CPNE4: variants seen among roughly 807,000 people sequenced by gnomAD.
The protein encoded by CPNE4 is copine-4.
Under a neutral mutation model 67.9 loss-of-function variants are expected in CPNE4, and 25 were observed. The ratio of observed to expected loss-of-function variants is 0.37; its 90% CI spans 0.27 to 0.51. The LOEUF (loss-of-function observed/expected upper bound fraction) is 0.51. Among genes scored for constraint, CPNE4 ranks in the 20% least tolerant of loss-of-function variants. The pLI, the probability that CPNE4 is intolerant of heterozygous loss-of-function variation, is 0.93. For synonymous variants in CPNE4, 242 were observed against 244.9 expected (o/e 0.99, Z 0.11); for missense variants, 464 against 690.8 (o/e 0.67, Z 3.68).
intron 1 of CPNE4, among the ~76,000 whole-genome samples, chr3:131,936,344 A>G (rs531050800): frequency 6.6e-6 from 1 of 152,218 alleles, no homozygotes; most frequent in South Asian, 2.1e-4. Context: ...AGTGCAGAAG[A>G]CATATCCCTT....
At chr3:131,714,191 C>A (rs538122170) in intron 3 of CPNE4, among the ~76,000 whole-genome samples, 1 of 152,164 alleles carries the variant, frequency 6.6e-6, no homozygotes, top group Non-Finnish European at 1.5e-5. Context: ...TTGGGTAGCA[C>A]CCTCAGCATC....
chr3:131,576,192 C>A (rs1025889438), intron 9 of CPNE4, among the ~76,000 whole-genome samples: 1 of 152,094 alleles, frequency 6.6e-6, no homozygotes, highest in Admixed American at 6.6e-5. Context: ...CTAGATACCA[C>A]CTCCAGGTGG....
intron 12 of CPNE4, among the ~76,000 whole-genome samples, chr3:131,553,213 G>A (rs781610586): frequency 5.9e-5 from 9 of 152,008 alleles, no homozygotes; most frequent in African/African-American, 9.7e-5. Flanking sequence ...GGTATTTTAT[G>A]GAGAATTTCA....
intron 3 of CPNE4, among the ~76,000 whole-genome samples, chr3:131,722,830 A>C (rs35894803): frequency 0.26 from 39,161 of 152,122 alleles, 5,184 homozygotes; most frequent in South Asian, 0.34. Flanking sequence ...AGAGTCAGGA[A>C]GACCTAGTAG....
chr3:131,793,803 T>C (rs529935664), intron 2 of CPNE4, among the ~76,000 whole-genome samples: 1 of 152,266 alleles, frequency 6.6e-6, no homozygotes, highest in African/African-American at 2.4e-5. Context: ...GCAACAGACT[T>C]GTAAACCTTC....
At chr3:131,986,867 CAAA>C (rs112652096) in intron 1 of CPNE4, among the ~76,000 whole-genome samples, 22 of 134,688 alleles carry the variant, frequency 1.6e-4, no homozygotes, top group Non-Finnish European at 2.5e-4. Context: ...AACAAACAAA[CAAA>C]AAAAAAAAAA....
At chr3:131,782,686 A>T (rs1358901757) in intron 2 of CPNE4, among the ~76,000 whole-genome samples, 1 of 152,150 alleles carries the variant, frequency 6.6e-6, no homozygotes, top group African/African-American at 2.4e-5. Flanking sequence ...ATAGGGAATG[A>T]TGATGAATAG....
chr3:131,967,202 T>C (rs916427619), intron 1 of CPNE4, among the ~76,000 whole-genome samples: 6 of 152,164 alleles, frequency 3.9e-5, no homozygotes, highest in African/African-American at 1.4e-4. Flanking sequence ...CTCAATAAAC[T>C]AGGTATTGAT....
chr3:131,860,775 A>T (rs2107666473), intron 2 of CPNE4, among the ~76,000 whole-genome samples: 1 of 152,316 alleles, frequency 6.6e-6, no homozygotes, highest in South Asian at 2.1e-4. Context: ...TGTGCCAATC[A>T]ATGCAAACAA....
intron 2 of CPNE4, among the ~76,000 whole-genome samples, chr3:131,761,452 A>G (rs1256816694): frequency 1.3e-5 from 2 of 152,104 alleles, no homozygotes; most frequent in African/African-American, 2.4e-5. Flanking sequence ...AATTTTTAAA[A>G]TGAAAATTTA....
chr3:131,954,018 C>T (rs2071860329), intron 1 of CPNE4, among the ~76,000 whole-genome samples: 1 of 151,828 alleles, frequency 6.6e-6, no homozygotes, highest in African/African-American at 2.4e-5. Context: ...TAAATATGTA[C>T]AATTATTATG....
chr3:132,017,660 T>C (rs2073914189), intron 1 of CPNE4: 1 of 152,260 alleles, frequency 6.6e-6, no homozygotes, highest in African/African-American at 2.4e-5. Flanking sequence ...CCACCGATCC[T>C]GGGAAGTCAG....
intron 2 of CPNE4, among the ~76,000 whole-genome samples, chr3:131,777,028 G>C (rs2083308100): frequency 6.6e-6 from 1 of 152,066 alleles, no homozygotes; most frequent in African/African-American, 2.4e-5. Flanking sequence ...ACATTTTCTA[G>C]CTGGAGATGC....
intron 2 of CPNE4, among the ~76,000 whole-genome samples, chr3:131,858,354 T>C (rs2086533745): frequency 7.0e-6 from 1 of 142,516 alleles, no homozygotes; most frequent in South Asian, 2.4e-4. Context: ...AACTATAATT[T>C]AACTACTACT....
At chr3:131,912,465 G>C (rs1213300271) in intron 1 of CPNE4, among the ~76,000 whole-genome samples, 6 of 152,004 alleles carry the variant, frequency 3.9e-5, no homozygotes, top group Non-Finnish European at 8.8e-5. Flanking sequence ...TCCAGGGAAG[G>C]CTAGGGTGCT....
intron 7 of CPNE4, among the ~76,000 whole-genome samples, chr3:131,618,183 G>A (rs1163108060): frequency 6.6e-6 from 1 of 152,154 alleles, no homozygotes; most frequent in African/African-American, 2.4e-5. Flanking sequence ...GTGTGGGGGA[G>A]TGAATACTGG....
At position 131,902,078 on chromosome 3, in the gene CPNE4, A is replaced by G. The variant is rs1291081091; in HGVS notation, c.180+3186T>C. On this transcript the variant is annotated intron_variant, in intron 2 of 15. Coordinates refer to ENST00000429747, the MANE Select transcript of CPNE4 (RefSeq NM_130808.3). ...GCCACCTGGCATGCACTTTGGTTTT[A>G]TTATTATTATTATTATTATATCCTT... Among the ~76,000 whole-genome samples the G allele has an allele frequency of 1.6e-4, 3 of 19,266 alleles. No homozygotes were observed. In the East Asian group the frequency reaches 3.5e-3, roughly 23 times the overall value. 12.6% of individuals were successfully genotyped at this position (19,266 alleles called of 152,430 possible).
chr3:131,963,217 AT>A (rs2072236551), intron 1 of CPNE4, among the ~76,000 whole-genome samples: 1 of 151,982 alleles, frequency 6.6e-6, no homozygotes. Flanking sequence ...CCCAGATACT[AT>A]GCTTCCCCCA....
At chr3:131,951,220 GTTAAA>G (rs763774609) in intron 1 of CPNE4, among the ~76,000 whole-genome samples, 14 of 152,240 alleles carry the variant, frequency 9.2e-5, no homozygotes, top group Admixed American at 7.2e-4. Context: ...ACATTTGGAA[GTTAAA>G]TTTATTTCTA....
Sources: allele counts gnomAD v4.1 joint callset (sites outside exome capture counted in the v4.1 genomes callset), GRCh38; gene constraint gnomAD v4.1.1; transcripts MANE v1.5; gene names NCBI Gene and HGNC (gene_info 2026-07-23, HGNC 2026-07-21).